Variants in SKA2 observed in about 807,000 individuals in gnomAD.
The protein encoded by SKA2 is spindle and kinetochore-associated protein 2.
Under a neutral mutation model 16.9 loss-of-function variants are expected in SKA2, and 13 were observed. That is an observed-to-expected ratio of 0.77 (90% confidence interval 0.50 to 1.22). The LOEUF (loss-of-function observed/expected upper bound fraction) is 1.22, where lower values mean the gene tolerates loss of function less well. Ranked by LOEUF, SKA2 falls within the 50% of genes most tolerant of loss-of-function variation. The pLI, the probability that SKA2 is intolerant of heterozygous loss-of-function variation, is 0.00. For missense variants in SKA2, 107 were observed against 139.7 expected (o/e 0.77, Z 1.18); for synonymous variants, 47 against 48.5 (o/e 0.97, Z 0.13).
At chr17:59,141,914 G>T (rs1007533323) in intron 1 of SKA2, among the ~76,000 whole-genome samples, 5 of 152,020 alleles carry the variant, frequency 3.3e-5, no homozygotes, top group African/African-American at 1.2e-4. Context: ...ATGCCTGGTA[G>T]GACCTTTGCT....
At chr17:59,137,907 C>A in intron 1 of SKA2, 1 of 484,712 alleles carries the variant, frequency 2.1e-6, no homozygotes, top group South Asian at 1.6e-5. Context: ...ATTCACTAAG[C>A]AATTATGATA....
rs753455875 is a variant in SKA2 at position 59,112,322 on chromosome 17, CTCT to C, written c.318_320del (p.Glu107del). The C allele has an allele frequency of 2.5e-6, 4 of 1,611,002 alleles. No individual in the cohort carries two copies. The highest frequency in any genetic ancestry group is 1.3e-5 in the African/African-American group (1 of 74,930). ...ATTTGAATTGCTCTGCCGCAGTTTTCTCTTCTTTAGTCAGTGGTGACAGCTAGA... is the reference window on the plus strand; with the variant it reads ...ATTTGAATTGCTCTGCCGCAGTTTTCTCTTTAGTCAGTGGTGACAGCTAGA... On this transcript the variant is annotated inframe_deletion, in exon 4 of 4. Coordinates refer to ENST00000330137, the MANE Select transcript of SKA2 (RefSeq NM_182620.4).
At chr17:59,128,184 C>T (rs1264790343) in intron 2 of SKA2, among the ~76,000 whole-genome samples, 1 of 151,228 alleles carries the variant, frequency 6.6e-6, no homozygotes, top group Non-Finnish European at 1.5e-5. Flanking sequence ...CACTGCACTC[C>T]AGCCTAGGGG....
intron 1 of SKA2, among the ~76,000 whole-genome samples, chr17:59,148,808 C>CAAAAAAA (rs758187008): frequency 2.1e-4 from 10 of 47,526 alleles, no homozygotes; most frequent in East Asian, 6.2e-4. Flanking sequence ...GACCCTGTCT[C>CAAAAAAA]AAAAAAAAAA....
chr17:59,129,915 GGGAGGGAA>G (rs1283714391), intron 2 of SKA2, among the ~76,000 whole-genome samples: 18 of 135,816 alleles, frequency 1.3e-4, no homozygotes, highest in African/African-American at 3.1e-4. Context: ...GAGGGAGGGA[GGGAGGGAA>G]GGAAGGAAGG....
chr17:59,117,044 TGGCCTCGTAATCCTCCCTCCTC>T (rs2046301489), intron 3 of SKA2, among the ~76,000 whole-genome samples: 1 of 152,048 alleles, frequency 6.6e-6, no homozygotes, highest in Admixed American at 6.6e-5. Flanking sequence ...CTCGATCTCC[TGGCCTCGTAATCCTCCCTCCTC>T]GGCCTCCCAA....
chr17:59,153,553 A>T (rs2046593117), intron 1 of SKA2, among the ~76,000 whole-genome samples: 1 of 152,026 alleles, frequency 6.6e-6, no homozygotes, highest in African/African-American at 2.4e-5. Flanking sequence ...GAAGAAAATA[A>T]GATATATCAA....
At chr17:59,112,600 T>C (rs1258248021) in intron 3 of SKA2, among the ~76,000 whole-genome samples, 2 of 152,210 alleles carry the variant, frequency 1.3e-5, no homozygotes, top group African/African-American at 4.8e-5. Flanking sequence ...TTAAGGATTA[T>C]AGCAGAACCA....
At chr17:59,120,785 C>T (rs921606486) in intron 2 of SKA2, among the ~76,000 whole-genome samples, 4 of 152,114 alleles carry the variant, frequency 2.6e-5, no homozygotes, top group Non-Finnish European at 4.4e-5. Flanking sequence ...AGCTAGAAAA[C>T]CACGAAGTAA....
At chr17:59,154,906 C>A in intron 1 of SKA2, 1 of 1,598,308 alleles carries the variant, frequency 6.3e-7, no homozygotes, top group Non-Finnish European at 8.6e-7. Flanking sequence ...CCCGCACCCT[C>A]AGCATCTCCC....
chr17:59,155,117 C>T lies in SKA2; in HGVS notation c.33+14G>A. The T allele has an allele frequency of 6.2e-7, 1 of 1,614,038 alleles. No individual in the cohort carries two copies. The highest frequency in any genetic ancestry group is 8.5e-7 in the Non-Finnish European group (1 of 1,179,900). On this transcript the variant is annotated intron_variant, in intron 1 of 3. Transcript: ENST00000330137. ...AATAAACTACCCAGTAGATCTCCTT[C>T]ACTTTGCACTCACCATCAGTTCCAG...
chr17:59,122,667 A>G (rs2046343069), intron 2 of SKA2, among the ~76,000 whole-genome samples: 1 of 151,718 alleles, frequency 6.6e-6, no homozygotes, highest in African/African-American at 2.4e-5. Flanking sequence ...GCACATGCCT[A>G]TGGTGCTAGC....
At chr17:59,120,204 G>A (rs1162953699) in intron 2 of SKA2, among the ~76,000 whole-genome samples, 1 of 149,646 alleles carries the variant, frequency 6.7e-6, no homozygotes, top group African/African-American at 2.5e-5. Context: ...CACTGCGCCC[G>A]GCCAAAATTC....
chr17:59,137,792 A>G (rs771457463), intron 1 of SKA2: 7 of 531,546 alleles, frequency 1.3e-5, no homozygotes, highest in African/African-American at 3.9e-5. Flanking sequence ...CCAAAACCCT[A>G]TAAGCAATAT....
chr17:59,142,927 C>CAAA lies in SKA2; in HGVS notation c.34-11563_34-11561dup, dbSNP rs111796693. The stretch of plus-strand genomic sequence containing the variant: ...GGGCAACAAGAGCGTAACCCCATCT[C>CAAA]AAAAAAAAAAAAAAAAAAAAAAGAG... On this transcript the variant is annotated intron_variant, in intron 1 of 3. Transcript: ENST00000330137. Among the ~76,000 whole-genome samples the CAAA allele has an allele frequency of 5.0e-4, 30 of 60,234 alleles. 1 individual carries two copies. The highest frequency in any genetic ancestry group is 6.5e-4 in the East Asian group (1 of 1,544). 39.5% of individuals were successfully genotyped at this position (60,234 alleles called of 152,430 possible).
chr17:59,135,767 A>G (rs1045951645), intron 1 of SKA2, among the ~76,000 whole-genome samples: 1 of 148,638 alleles, frequency 6.7e-6, no homozygotes, highest in Non-Finnish European at 1.5e-5. Flanking sequence ...TTTTTAAAAT[A>G]TATAAAATAA....
chr17:59,138,599 T>G (rs1225520800), intron 1 of SKA2, among the ~76,000 whole-genome samples: 2 of 151,804 alleles, frequency 1.3e-5, no homozygotes, highest in Non-Finnish European at 2.9e-5. Context: ...CCTAGTAAAT[T>G]TTTTGTATTT....
intron 1 of SKA2, among the ~76,000 whole-genome samples, chr17:59,136,094 T>C (rs1599671093): frequency 6.6e-6 from 1 of 150,748 alleles, no homozygotes; most frequent in South Asian, 2.1e-4. Context: ...AAAAACAGCT[T>C]GTGGGTAGAA....
At chr17:59,139,182 G>C (rs983755830) in intron 1 of SKA2, among the ~76,000 whole-genome samples, 2 of 152,026 alleles carry the variant, frequency 1.3e-5, no homozygotes, top group African/African-American at 4.8e-5. Context: ...CGGAGCACGA[G>C]GTCAGGAGAT....
Sources: allele counts gnomAD v4.1 joint callset (sites outside exome capture counted in the v4.1 genomes callset), GRCh38; gene constraint gnomAD v4.1.1; transcripts MANE v1.5; gene names NCBI Gene and HGNC (gene_info 2026-07-23, HGNC 2026-07-21).